The following COL15A1 variants were observed in gnomAD, a reference collection of about 807,000 sequenced individuals.
COL15A1 encodes the protein collagen alpha-1(XV) chain.
In COL15A1, 111 loss-of-function variants were observed where a neutral mutation model predicts 165.9. The observed-to-expected ratio is 0.67, with a 90% CI of 0.57 to 0.78. The LOEUF (loss-of-function observed/expected upper bound fraction) is 0.78. Ranked by LOEUF, COL15A1 falls within the 30% of genes least tolerant of loss-of-function variation. COL15A1 has a pLI of 0.00. For synonymous variants in COL15A1, 659 were observed against 674.8 expected (o/e 0.98, Z 0.36); for missense variants, 1,745 against 1,789.7 (o/e 0.98, Z 0.45).
At chr9:98,968,947 GTTCAGAT>G (rs1837999232) in intron 2 of COL15A1, among the ~76,000 whole-genome samples, 1 of 152,150 alleles carries the variant, frequency 6.6e-6, no homozygotes, top group Non-Finnish European at 1.5e-5. Flanking sequence ...ATTTCAGCAT[GTTCAGAT>G]TTCATTGATC....
At chr9:99,050,507 C>A (rs2117880065) in intron 30 of COL15A1, among the ~76,000 whole-genome samples, 1 of 152,328 alleles carries the variant, frequency 6.6e-6, no homozygotes, top group South Asian at 2.1e-4. Context: ...CTTGCCCGGC[C>A]CCCCAGCCAT....
At chr9:99,046,086 A>C (rs748975416) in intron 26 of COL15A1, among the ~76,000 whole-genome samples, 1 of 152,194 alleles carries the variant, frequency 6.6e-6, no homozygotes, top group Non-Finnish European at 1.5e-5. Flanking sequence ...AATACTGTGG[A>C]AAATACAAAT....
chr9:98,972,022 A>G (rs1838065473), intron 2 of COL15A1, among the ~76,000 whole-genome samples: 1 of 152,172 alleles, frequency 6.6e-6, no homozygotes, highest in Non-Finnish European at 1.5e-5. Context: ...ACCCAACCCA[A>G]TGAGCGAGGA....
rs1405652677 is a variant in COL15A1, at chr9:99,056,337, A to G, written c.3270A>G (p.Gly1090=). ...APGLPGPPGF[G]RPGDPGPPGP... ...GTCTGCCTGGGCCACCTGGCTTTGG[A>G]AGACCTGGTGATCCTGGGCCACCGG... The change falls in exon 35 of 42, where the codon GGA becomes GGG. Residue 1090 remains glycine, a synonymous_variant. Transcript: ENST00000375001. 1 of 1,613,738 alleles carries G rather than the reference A, an allele frequency of 6.2e-7. No homozygotes were observed. Among genetic ancestry groups the G allele is most frequent in the African/African-American group, 1.3e-5 (1 of 74,906 alleles).
In COL15A1 at chr9:99,069,907, A is replaced by C. The variant is rs1288947848; in HGVS notation, c.*21A>C. 1.3e-6 allele frequency: 2 copies of C among 1,569,966 alleles called. No individual in the cohort carries two copies. The highest frequency in any genetic ancestry group is 4.5e-5 in the East Asian group (2 of 44,004). On this transcript the variant is annotated 3_prime_UTR_variant, in exon 42 of 42. Coordinates refer to ENST00000375001, the MANE Select transcript of COL15A1 (RefSeq NM_001855.5). ...AGTAATGGCCTTCTGATGATTCTTA[A>C]AGAGTTTTCAATTTTTTCTTATGTG...
intron 12 of COL15A1, among the ~76,000 whole-genome samples, chr9:99,020,951 G>A (rs553155063): frequency 7.2e-5 from 11 of 152,330 alleles, no homozygotes; most frequent in Admixed American, 2.0e-4. Flanking sequence ...ATGACCCTGC[G>A]GTGTGGGATG....
At chr9:99,043,644 G>A (rs1377947081) in intron 24 of COL15A1, among the ~76,000 whole-genome samples, 1 of 152,062 alleles carries the variant, frequency 6.6e-6, no homozygotes, top group Non-Finnish European at 1.5e-5. Context: ...CCAGGTGTGG[G>A]CTTAGGGGGA....
At chr9:99,025,080 C>A in intron 15 of COL15A1, 81 bp downstream of exon 15, 1 of 1,261,210 alleles carries the variant, frequency 7.9e-7, no homozygotes, top group Non-Finnish European at 1.1e-6. Context: ...ATTGCAAAAC[C>A]CAGCACTGTC....
At chr9:98,961,737 G>GTAGA (rs2118801485) in intron 2 of COL15A1, among the ~76,000 whole-genome samples, 1 of 152,306 alleles carries the variant, frequency 6.6e-6, no homozygotes, top group East Asian at 1.9e-4. Flanking sequence ...TTTGGTCTAG[G>GTAGA]TAGAGTGCAG....
At chr9:99,027,088 T>C (rs533272833) in intron 16 of COL15A1, among the ~76,000 whole-genome samples, 5 of 152,306 alleles carry the variant, frequency 3.3e-5, no homozygotes, top group Admixed American at 1.3e-4. Context: ...CTGGGGCGTG[T>C]ATGTGTAGGG....
At position 99,069,746 on chromosome 9, in the gene COL15A1, C is replaced by T. The variant is rs1450959518; in HGVS notation, c.4027C>T (p.Arg1343Ter). The change falls in exon 42 of 42, where the codon CGA becomes TGA. Residue 1343 changes from arginine (R) to a stop codon, truncating the protein, a stop_gained. Transcript: ENST00000375001. LOFTEE classifies it high-confidence loss of function. ...TGTGGATAACTACTGTGAAGCATGG[C>T]GAACCGCGGACACAGCGGTCACGGG... ...RLVDNYCEAW[R>*]TADTAVTGLA... 6.8e-6 allele frequency: 11 copies of T among 1,614,232 alleles called. No individual in the cohort carries two copies. The highest frequency in any genetic ancestry group is 1.7e-5 in the Admixed American group (1 of 60,032).
At chr9:99,044,842 A>G in intron 26 of COL15A1, 72 bp downstream of exon 26, 1 of 1,386,498 alleles carries the variant, frequency 7.2e-7, no homozygotes, top group Non-Finnish European at 1.0e-6. Context: ...ATTTGGTTAG[A>G]TTTAGTTGTC....
At chr9:99,062,407 C>A in intron 38 of COL15A1, 103 bp downstream of exon 38, 1 of 875,446 alleles carries the variant, frequency 1.1e-6, no homozygotes, top group Non-Finnish European at 1.9e-6. Context: ...GGACAGTCAG[C>A]TGTGCACGGT....
In COL15A1 at chr9:99,028,265, T is replaced by C. The variant is rs1839161471; in HGVS notation, c.2043+2299T>C. ...GTTTTTTATATAATAATTATTATTA[T>C]AAAATATGAGATTGAGATCAAAACA... is the stretch of plus-strand genomic sequence containing the variant. On this transcript the variant is annotated intron_variant, in intron 16 of 41. Coordinates refer to ENST00000375001, the MANE Select transcript of COL15A1 (RefSeq NM_001855.5). Among the ~76,000 whole-genome samples the C allele has an allele frequency of 2.0e-5, 3 of 152,232 alleles. No homozygotes were observed. In the South Asian group the frequency reaches 6.2e-4, roughly 32 times the overall value.
chr9:98,985,569 T>A lies in COL15A1; in HGVS notation c.105T>A (p.Thr35=), dbSNP rs1275407376. The A allele has an allele frequency of 6.2e-7, 1 of 1,611,162 alleles. No individual in the cohort carries two copies. Among genetic ancestry groups the A allele is most frequent in the Non-Finnish European group, 8.5e-7 (1 of 1,177,672 alleles). Residue 35 remains threonine (T), a synonymous_variant, in exon 3 of 42, where the codon ACT becomes ACA. Coordinates refer to ENST00000375001, the MANE Select transcript of COL15A1 (RefSeq NM_001855.5). The part of the protein sequence containing the change: ...AVTQTRGATE[T]ASQGHLDLTQ... The stretch of plus-strand genomic sequence containing the variant: ...CCTCTCTCTCCCTCCCTGCAGAGAC[T>A]GCTTCCCAGGGTCACCTGGACCTCA...
At chr9:99,066,718 A>G (rs576322513) in intron 39 of COL15A1, among the ~76,000 whole-genome samples, 164 bp from the exon 40 acceptor site, 4 of 150,014 alleles carry the variant, frequency 2.7e-5, no homozygotes, top group Admixed American at 6.8e-5. Context: ...GGAAATGGTC[A>G]GGCAGAGACT....
At chr9:99,013,152 C>G (rs1838873943) in intron 9 of COL15A1, among the ~76,000 whole-genome samples, 1 of 152,154 alleles carries the variant, frequency 6.6e-6, no homozygotes, top group South Asian at 2.1e-4. Flanking sequence ...CAGTTTCTCT[C>G]TGTGTAGTTC....
At chr9:99,012,924 G>A (rs929680955) in intron 9 of COL15A1, among the ~76,000 whole-genome samples, 6 of 151,944 alleles carry the variant, frequency 3.9e-5, no homozygotes, top group Non-Finnish European at 7.4e-5. Flanking sequence ...ATGTTGGCCA[G>A]GCTGGTCTCG....
intron 8 of COL15A1, among the ~76,000 whole-genome samples, chr9:99,004,242 G>T (rs1051434582): frequency 6.6e-6 from 1 of 152,200 alleles, no homozygotes; most frequent in Non-Finnish European, 1.5e-5. Flanking sequence ...AGAGGAGAAA[G>T]GGTGGGGAAG....
Sources: gnomAD v4.1 joint callset for allele counts (sites outside exome capture counted in the v4.1 genomes callset) on GRCh38, gnomAD v4.1.1 for gene constraint, MANE v1.5 for transcripts, NCBI Gene and HGNC (gene_info 2026-07-23, HGNC 2026-07-21) for gene names.